The following PAK1 variants were observed in gnomAD, a reference collection of about 807,000 sequenced individuals.
PAK1 encodes serine/threonine-protein kinase PAK 1.
Under a neutral mutation model 67.4 loss-of-function variants are expected in PAK1, and 29 were observed. The observed-to-expected ratio is 0.43, with a 90% CI of 0.32 to 0.59. The LOEUF (loss-of-function observed/expected upper bound fraction) is 0.59. Among genes scored for constraint, PAK1 ranks in the 20% least tolerant of loss-of-function variants. The pLI, the probability that PAK1 is intolerant of heterozygous loss-of-function variation, is 0.07. For synonymous variants in PAK1, 223 were observed against 237.4 expected (o/e 0.94, Z 0.56); for missense variants, 337 against 670.7 (o/e 0.50, Z 5.50).
rs1938786869 is a variant in PAK1, at chr11:77,323,198, T to A, written c.*76A>T. On this transcript the variant is annotated 3_prime_UTR_variant, in exon 15 of 15. Transcript: ENST00000356341. Reference sequence around the variant, plus strand: ...GAAGCAAGGCAAGGAGAAGAGGGCATCAGGAGTTGGAATTTCTGAAATGTG... The same window carrying A: ...GAAGCAAGGCAAGGAGAAGAGGGCAACAGGAGTTGGAATTTCTGAAATGTG... The A allele has an allele frequency of 6.2e-7, 1 of 1,600,652 alleles. No individual in the cohort carries two copies. The highest frequency in any genetic ancestry group is 8.5e-7 in the Non-Finnish European group (1 of 1,173,180).
the PAK1 span, among the ~76,000 whole-genome samples, chr11:77,484,217 A>G: frequency 3.4e-5 from 5 of 147,568 alleles, no homozygotes; most frequent in Non-Finnish European, 7.6e-5. Flanking sequence ...AAAGTTATCC[A>G]TAAAAAAAAA....
At chr11:77,380,678 A>C (rs1242153036) in intron 2 of PAK1, among the ~76,000 whole-genome samples, 1 of 152,128 alleles carries the variant, frequency 6.6e-6, no homozygotes, top group East Asian at 1.9e-4. Flanking sequence ...CAATATATGT[A>C]ATAGTAATTG....
chr11:77,420,340 A>T (rs1246529750), intron 1 of PAK1, among the ~76,000 whole-genome samples: 2 of 152,246 alleles, frequency 1.3e-5, no homozygotes, highest in African/African-American at 4.8e-5. Context: ...CATGCCAGAC[A>T]CAATGTTCGT....
At chr11:77,385,513 A>G (rs900837602) in intron 2 of PAK1, among the ~76,000 whole-genome samples, 13 of 152,232 alleles carry the variant, frequency 8.5e-5, no homozygotes, top group African/African-American at 2.4e-4. Flanking sequence ...TTTGTAACAT[A>G]TATAACTGAC....
intron 2 of PAK1, among the ~76,000 whole-genome samples, chr11:77,388,826 C>G (rs1268428394): frequency 1.3e-5 from 2 of 152,212 alleles, no homozygotes; most frequent in African/African-American, 4.8e-5. Context: ...CCATTTAGCA[C>G]ATAAGATTGT....
intron 1 of PAK1, among the ~76,000 whole-genome samples, chr11:77,443,565 A>G (rs1429746770): frequency 6.6e-6 from 1 of 152,174 alleles, no homozygotes; most frequent in Non-Finnish European, 1.5e-5. Context: ...CATTTACATT[A>G]TTTCCCATGT....
intron 1 of PAK1, among the ~76,000 whole-genome samples, chr11:77,470,595 G>A (rs1170567829): frequency 6.6e-6 from 1 of 152,128 alleles, no homozygotes; most frequent in African/African-American, 2.4e-5. Context: ...GGGCTAATAA[G>A]AAAGTGAAAG....
the PAK1 span, among the ~76,000 whole-genome samples, chr11:77,491,116 A>G: frequency 1.3e-5 from 2 of 151,594 alleles, no homozygotes; most frequent in Non-Finnish European, 2.9e-5. Context: ...AACACCCAAG[A>G]ATGATCAATA....
chr11:77,445,250 C>T (rs914420214), intron 1 of PAK1, among the ~76,000 whole-genome samples: 1 of 152,150 alleles, frequency 6.6e-6, no homozygotes, highest in Non-Finnish European at 1.5e-5. Context: ...CAGGCACCTC[C>T]AGAGGTGGAC....
chr11:77,529,282 G>C, the PAK1 span, among the ~76,000 whole-genome samples: 1 of 152,104 alleles, frequency 6.6e-6, no homozygotes, highest in Non-Finnish European at 1.5e-5. Flanking sequence ...TTGCTACTTA[G>C]AGTCACATTT....
intron 14 of PAK1, among the ~76,000 whole-genome samples, chr11:77,324,904 A>G (rs1939421247): frequency 6.6e-6 from 1 of 152,182 alleles, no homozygotes; most frequent in South Asian, 2.1e-4. Context: ...TACTGAGAAC[A>G]AGAACGTACT....
intron 1 of PAK1, among the ~76,000 whole-genome samples, chr11:77,462,256 G>A (rs139930460): frequency 0.029 from 4,387 of 151,882 alleles, 200 homozygotes; most frequent in African/African-American, 0.099. Flanking sequence ...GCGTGAACCC[G>A]GGAGGCGGAG....
chr11:77,355,998 C>A (rs987249597), intron 6 of PAK1, 156 bp from the exon 7 acceptor site: 7 of 576,344 alleles, frequency 1.2e-5, no homozygotes, highest in African/African-American at 1.1e-4. Context: ...TGTGCCCAGG[C>A]CCACCCATTC....
intron 5 of PAK1, among the ~76,000 whole-genome samples, chr11:77,370,813 A>T (rs1948330993): frequency 6.6e-6 from 1 of 152,208 alleles, no homozygotes; most frequent in African/African-American, 2.4e-5. Flanking sequence ...TTTCCAAAGA[A>T]ATCTAAGATG....
intron 1 of PAK1, among the ~76,000 whole-genome samples, chr11:77,433,998 C>T (rs1955988152): frequency 6.6e-6 from 1 of 151,750 alleles, no homozygotes; most frequent in Non-Finnish European, 1.5e-5. Flanking sequence ...CAAGTATTTA[C>T]AAGGATGTGG....
intron 14 of PAK1, among the ~76,000 whole-genome samples, chr11:77,326,016 C>A (rs1939734008): frequency 6.6e-6 from 1 of 152,162 alleles, no homozygotes; most frequent in Non-Finnish European, 1.5e-5. Context: ...CTGCCCTGCC[C>A]TGCCCTGCTC....
chr11:77,492,564 A>T, the PAK1 span, among the ~76,000 whole-genome samples: 4 of 138,682 alleles, frequency 2.9e-5, no homozygotes, highest in South Asian at 2.3e-4. Flanking sequence ...TTTTTTTTTT[A>T]AAGACAAGGT....
At chr11:77,423,413 A>ACACG (rs2138213299) in intron 1 of PAK1, among the ~76,000 whole-genome samples, 1 of 150,618 alleles carries the variant, frequency 6.6e-6, no homozygotes, top group East Asian at 2.0e-4. Context: ...ACACACACAC[A>ACACG]CACACACACA....
chr11:77,432,650 C>T lies in PAK1; in HGVS notation c.-21-40109G>A, dbSNP rs1955914702. Among the ~76,000 whole-genome samples the T allele has an allele frequency of 2.0e-5, 3 of 151,532 alleles. No individual in the cohort carries two copies. In the South Asian group the frequency reaches 6.2e-4, roughly 31 times the overall value. ...TCCTGCCTAGGTGGCGGAATGAGAC[C>T]CTGTCTCAAAAAAAGAGTAAAACTA... On this transcript the variant is annotated intron_variant, in intron 1 of 14. Coordinates refer to ENST00000356341, the MANE Select transcript of PAK1 (RefSeq NM_002576.5).
Sources: allele counts gnomAD v4.1 joint callset (sites outside exome capture counted in the v4.1 genomes callset), GRCh38; gene constraint gnomAD v4.1.1; transcripts MANE v1.5; gene names NCBI Gene and HGNC (gene_info 2026-07-23, HGNC 2026-07-21).